The following APBA3 variants were observed in gnomAD, a reference collection of about 807,000 sequenced individuals.
APBA3 encodes amyloid-beta A4 precursor protein-binding family A member 3.
A neutral mutation model predicts 55.9 loss-of-function variants in APBA3; 45 were observed. The observed-to-expected ratio is 0.80, with a 90% confidence interval of 0.63 to 1.03. The LOEUF (loss-of-function observed/expected upper bound fraction) is 1.03, where lower values mean the gene tolerates loss of function less well. Ranked by LOEUF, APBA3 falls within the 50% of genes least tolerant of loss-of-function variation. The pLI is 0.00. For synonymous variants in APBA3, 370 were observed against 353.3 expected (o/e 1.05, Z -0.53); for missense variants, 865 against 820.3 (o/e 1.05, Z -0.67).
At chr19:3,757,608 T>C (rs2037094157) in intron 3 of APBA3, among the ~76,000 whole-genome samples, 1 of 152,148 alleles carries the variant, frequency 6.6e-6, no homozygotes, top group Non-Finnish European at 1.5e-5. Flanking sequence ...GGCGGACGCT[T>C]GTAATCTCAG....
chr19:3,751,333 G>A lies in APBA3; in HGVS notation c.1516-4C>T. The A allele has an allele frequency of 6.5e-7, 1 of 1,531,230 alleles. No homozygotes were observed. Among genetic ancestry groups the A allele is most frequent in the Non-Finnish European group, 8.8e-7 (1 of 1,141,832 alleles). 94.9% of individuals were successfully genotyped at this position (1,531,230 alleles called of 1,614,324 possible). ...CACCACGGAGGAGGCTGCAGATCTG[G>A]GGGAGAAAAGAGGGGGACGGGAAAG... is the stretch of plus-strand genomic sequence containing the variant. On this transcript the variant is annotated splice_region_variant and splice_polypyrimidine_tract_variant and intron_variant, in intron 9 of 10. Coordinates refer to ENST00000316757, the MANE Select transcript of APBA3 (RefSeq NM_004886.4).
intron 6 of APBA3, 82 bp downstream of exon 6, chr19:3,753,683 T>G (rs2037038303): frequency 1.4e-5 from 18 of 1,300,714 alleles, no homozygotes; most frequent in South Asian, 1.7e-5. Flanking sequence ...GGGAGGGAGG[T>G]TAAATGCACG....
chr19:3,753,783 G>A lies in APBA3; in HGVS notation c.993C>T (p.His331=), dbSNP rs369633546. ...TGCTCACGTCCTCCGCGTAGAATAC[G>A]TGGCAGAGCATCTTGTAGAGGCGGC... ...HGRRLYKMLC[H]VFYAEDAQLI... The change falls in exon 6 of 11, where the codon CAC becomes CAT. Residue 331 remains histidine, a synonymous_variant. Transcript: ENST00000316757. The A allele has an allele frequency of 1.9e-5, 30 of 1,560,580 alleles. No individual in the cohort carries two copies. In the East Asian group the frequency reaches 3.5e-4, roughly 18 times the overall value.
chr19:3,756,120 T>C (rs987933686), intron 3 of APBA3: 4 of 152,202 alleles, frequency 2.6e-5, no homozygotes, highest in Admixed American at 2.6e-4. Flanking sequence ...ACTTGAAATG[T>C]GGCTCGACTG....
Position 3,751,423 on chromosome 19 carries a change from C to T in APBA3, c.1515+11G>A, listed in dbSNP as rs367954076. The T allele has an allele frequency of 1.3e-3, 1,926 of 1,525,360 alleles. 5 individuals are homozygous for T. Among genetic ancestry groups the T allele is most frequent in the Non-Finnish European group, 1.3e-3 (1,433 of 1,140,642 alleles). The allele number at this position is 1,525,360 out of a possible 1,614,324, so 94.5% of individuals were successfully genotyped here. On this transcript the variant is annotated intron_variant, in intron 9 of 10. Transcript: ENST00000316757. ...ACCCCCCCACCCCGGGGCCAGGGGC[C>T]GGGGCCTCACGATGCCGTCCTCCAC...
Position 3,752,960 on chromosome 19 carries a change from C to T in APBA3, c.1042G>A (p.Ala348Thr). ...AQLIAQAIGQ[A>T]FAAAYSQFLR... ...AACTGGCTGTAGGCGGCGGCGAAGG[C>T]CTGGCCAATGGCCTGGGCGATGAGC... The change falls in exon 7 of 11, where the codon GCC becomes ACC. Residue 348 changes from alanine to threonine, a missense_variant. Coordinates refer to ENST00000316757, the MANE Select transcript of APBA3 (RefSeq NM_004886.4). 6.2e-7 allele frequency: 1 copy of T among 1,612,808 alleles called. No individual in the cohort carries two copies. The highest frequency in any genetic ancestry group is 8.5e-7 in the Non-Finnish European group (1 of 1,179,902).
chr19:3,761,272 C>G (rs1445085652), intron 1 of APBA3, among the ~76,000 whole-genome samples: 2 of 152,010 alleles, frequency 1.3e-5, no homozygotes, highest in African/African-American at 4.8e-5. Flanking sequence ...CCCAAGACCC[C>G]AGACCCAAGA....
At position 3,754,340 on chromosome 19, in the gene APBA3, A is replaced by C. The variant is rs55941146; in HGVS notation, c.617T>G (p.Val206Gly). 8.1e-3 allele frequency: 12,601 copies of C among 1,557,120 alleles called. 809 individuals are homozygous for C. In the African/African-American group the frequency reaches 0.14, roughly 18 times the overall value. ...TLASYPAPQE[V>G]PGPCDHEDLL... ...GTCTTCATGGTCACAGGGACCAGGC[A>C]CTGAGGGCGACAGCGAAGAGGGTCG... Residue 206 changes from valine (V) to glycine (G), a missense_variant and splice_region_variant, in exon 4 of 11, where the codon GTG (valine) becomes GGG (glycine). Coordinates refer to ENST00000316757, the MANE Select transcript of APBA3 (RefSeq NM_004886.4).
chr19:3,760,210 C>G lies in APBA3; in HGVS notation c.55G>C (p.Glu19Gln), dbSNP rs755778803. The part of the protein sequence containing the change: ...SPSGPPAMDL[E>Q]GPRDILVPSE... ...GGCACAAGAATGTCCCTGGGCCCCT[C>G]CAAGTCCATGGCTGGAGGCCCCGAA... Residue 19 changes from glutamate to glutamine, a missense_variant, in exon 2 of 11, where the codon GAG (glutamate) becomes CAG (glutamine). Coordinates refer to ENST00000316757, the MANE Select transcript of APBA3 (RefSeq NM_004886.4). 7 of 1,611,864 alleles carry G rather than the reference C, an allele frequency of 4.3e-6. No homozygotes were observed. The highest frequency in any genetic ancestry group is 5.9e-6 in the Non-Finnish European group (7 of 1,179,888).
At chr19:3,758,805 G>A (rs2037109604) in intron 3 of APBA3, among the ~76,000 whole-genome samples, 1 of 151,926 alleles carries the variant, frequency 6.6e-6, no homozygotes, top group Admixed American at 6.6e-5. Context: ...TTGAACCCGG[G>A]AGGCGGAAGT....
chr19:3,757,816 C>T (rs2037096422), intron 3 of APBA3, among the ~76,000 whole-genome samples: 1 of 152,218 alleles, frequency 6.6e-6, no homozygotes, highest in African/African-American at 2.4e-5. Flanking sequence ...CCTTGTAGGT[C>T]ACAAGGTATC....
In APBA3 at chr19:3,752,602, C is replaced by T. The variant is rs758202382; in HGVS notation, c.1301G>A (p.Arg434His). 24 of 1,585,406 alleles carry T rather than the reference C, an allele frequency of 1.5e-5. No individual in the cohort carries two copies. The highest frequency in any genetic ancestry group is 1.3e-4 in the African/African-American group (10 of 74,652). ...ANLLHGGPAE[R>H]SGALSIGDRL... ...GTCCCCGATGCTGAGGGCCCCCGAGCGCTCAGCAGGCCCCCCGTGCAGCAG... is the reference window on the plus strand; with the variant it reads ...GTCCCCGATGCTGAGGGCCCCCGAGTGCTCAGCAGGCCCCCCGTGCAGCAG... Residue 434 changes from arginine to histidine, a missense_variant, in exon 8 of 11, where the codon CGC (arginine) becomes CAC (histidine). Transcript: ENST00000316757.
Position 3,751,215 on chromosome 19 carries a change from C to T in APBA3, c.1630G>A (p.Glu544Lys), listed in dbSNP as rs563062883. 4.5e-4 allele frequency: 694 copies of T among 1,551,584 alleles called. 13 individuals carry two copies. The South Asian group carries it at 7.6e-3, about 17-fold the overall frequency. Residue 544 changes from glutamate to lysine, a missense_variant, in exon 10 of 11, where the codon GAG becomes AAG. Coordinates refer to ENST00000316757, the MANE Select transcript of APBA3 (RefSeq NM_004886.4). ...VVATPHARII[E>K]LLTEAYGEVH... ...TCGCCATAGGCCTCGGTGAGCAGCT[C>T]GATGATGCGGGCGTGTGGCGTGGCC...
At position 3,754,229 on chromosome 19, in the gene APBA3, A is replaced by G. The variant is rs1347655460; in HGVS notation, c.728T>C (p.Met243Thr). ...SERNPPTSTR[M>T]AQAREAMDRV... ...GTCCATGGCCTCCCGGGCCTGGGCC[A>G]TGCGCGTGCTGGTGGGCGGGTTCCG... Residue 243 changes from methionine (M) to threonine (T), a missense_variant, in exon 4 of 11, where the codon ATG becomes ACG. Physicochemically the swap from Met to Thr is moderately conservative, Grantham distance 81. Transcript: ENST00000316757. 1 of 1,544,354 alleles carries G rather than the reference A, an allele frequency of 6.5e-7. No homozygotes were observed. Among genetic ancestry groups the G allele is most frequent in the Admixed American group, 2.1e-5 (1 of 48,624 alleles).
intron 3 of APBA3, chr19:3,756,067 G>A (rs1319747600): frequency 1.3e-5 from 2 of 152,166 alleles, no homozygotes; most frequent in African/African-American, 2.4e-5. Context: ...AGAGAGATAC[G>A]TCATTCACTG....
At chr19:3,753,119 T>C in intron 6 of APBA3, 129 bp from the exon 7 acceptor site, 1 of 1,081,650 alleles carries the variant, frequency 9.2e-7, no homozygotes, top group Non-Finnish European at 1.3e-6. Flanking sequence ...CACAGCCTTC[T>C]GCCCTGGGGC....
chr19:3,755,399 G>T (rs1166419628), intron 3 of APBA3: 1 of 152,138 alleles, frequency 6.6e-6, no homozygotes, highest in East Asian at 1.9e-4. Context: ...CTACACCAGG[G>T]ATTCTAAGAA....
Position 3,751,214 on chromosome 19 carries a change from T to A in APBA3, c.1631A>T (p.Glu544Val). ...CTCGCCATAGGCCTCGGTGAGCAGC[T>A]CGATGATGCGGGCGTGTGGCGTGGC... is the stretch of plus-strand genomic sequence containing the variant. ...VVATPHARII[E>V]LLTEAYGEVH... The change falls in exon 10 of 11, where the codon GAG becomes GTG. Residue 544 changes from glutamate to valine, a missense_variant. By Grantham distance (121) the Glu-to-Val change is moderately radical. Transcript: ENST00000316757. 6.4e-7 allele frequency: 1 copy of A among 1,551,758 alleles called. No individual in the cohort carries two copies. Among genetic ancestry groups the A allele is most frequent in the East Asian group, 2.4e-5 (1 of 41,316 alleles).
chr19:3,753,030 A>G, intron 6 of APBA3, 40 bp from the exon 7 acceptor site: 1 of 1,598,422 alleles, frequency 6.3e-7, no homozygotes, highest in Non-Finnish European at 8.5e-7. Flanking sequence ...TGTCCCACCC[A>G]CCTCCTCCAG....
Sources: gnomAD v4.1 joint callset for allele counts (sites outside exome capture counted in the v4.1 genomes callset) on GRCh38, gnomAD v4.1.1 for gene constraint, MANE v1.5 for transcripts, NCBI Gene and HGNC (gene_info 2026-07-23, HGNC 2026-07-21) for gene names.